HPSE2: variants seen among roughly 807,000 people sequenced by gnomAD.
HPSE2 encodes the protein inactive heparanase-2.
In HPSE2, 38 loss-of-function variants were observed where a neutral mutation model predicts 60.5. The observed-to-expected ratio is 0.63, with a 90% CI of 0.48 to 0.82. The LOEUF is 0.82. Among genes scored for constraint, HPSE2 ranks in the 40% least tolerant of loss-of-function variants. The pLI, the probability that HPSE2 is intolerant of heterozygous loss-of-function variation, is 0.00. For synonymous variants in HPSE2, 295 were observed against 293.2 expected, an observed-to-expected ratio of 1.01 and a Z score of -0.06; for missense variants, 713 against 740.4, an observed-to-expected ratio of 0.96 and a Z score of 0.43.
intron 9 of HPSE2, among the ~76,000 whole-genome samples, chr10:98,583,229 T>A (rs1041678257): frequency 3.9e-5 from 6 of 152,196 alleles, no homozygotes; most frequent in African/African-American, 1.4e-4. Context: ...CTTCACTTCA[T>A]CCTCTTCATT....
At chr10:98,746,181 T>C (rs1949623956) in intron 3 of HPSE2, among the ~76,000 whole-genome samples, 1 of 152,216 alleles carries the variant, frequency 6.6e-6, no homozygotes, top group Non-Finnish European at 1.5e-5. Context: ...ACAAAAGGAA[T>C]AAATTTCACA....
chr10:98,641,912 C>T lies in HPSE2; in HGVS notation c.1033G>A (p.Val345Met), dbSNP rs770200131. 1 of 1,613,748 alleles carries T rather than the reference C, an allele frequency of 6.2e-7. No homozygotes were observed. The highest frequency in any genetic ancestry group is 8.5e-7 in the Non-Finnish European group (1 of 1,179,824). Residue 345 changes from valine (V) to methionine (M), a missense_variant, in exon 7 of 12, where the codon GTG (valine) becomes ATG (methionine). Val to Met is a conservative substitution (Grantham distance 21). Transcript: ENST00000370552. ...AGGCGAGTTTTCAGGAAGTCCATCACCTTGACCACCCGGCCATCAATGTAG... is the reference window on the plus strand; with the variant it reads ...AGGCGAGTTTTCAGGAAGTCCATCATCTTGACCACCCGGCCATCAATGTAG... ...HCYIDGRVVK[V>M]MDFLKTRLLD...
In HPSE2 at chr10:98,818,115, A is replaced by G. The variant is rs1307004163; in HGVS notation, c.611-74059T>C. ...TCCACTTTTGGTTGAAAAAATCCAC[A>G]TATAAGTGGACCCATGTACTTCAAA... On this transcript the variant is annotated intron_variant, in intron 3 of 11. Transcript: ENST00000370552. 2.0e-5 allele frequency among the ~76,000 whole-genome samples: 3 copies of G among 152,318 alleles called. No homozygotes were observed. In the East Asian group the frequency reaches 5.8e-4, roughly 29 times the overall value.
chr10:98,658,073 A>C (rs1165037392), intron 6 of HPSE2, among the ~76,000 whole-genome samples: 11 of 151,982 alleles, frequency 7.2e-5, no homozygotes, highest in Admixed American at 7.2e-4. Context: ...ATTCCATCAG[A>C]GTGTATATGG....
intron 9 of HPSE2, among the ~76,000 whole-genome samples, chr10:98,589,283 G>C (rs1270648488): frequency 6.6e-6 from 1 of 152,210 alleles, no homozygotes; most frequent in African/African-American, 2.4e-5. Context: ...TGTCTGTGAG[G>C]TGCATAAATG....
chr10:99,303,351 A>G, the HPSE2 span, among the ~76,000 whole-genome samples: 3 of 152,242 alleles, frequency 2.0e-5, no homozygotes, highest in South Asian at 6.2e-4. Flanking sequence ...CTCCTGCTTG[A>G]TTAAGAGACA....
chr10:99,003,241 T>A (rs1161713253), intron 3 of HPSE2, among the ~76,000 whole-genome samples: 2 of 152,134 alleles, frequency 1.3e-5, no homozygotes, highest in African/African-American at 4.8e-5. Context: ...ATTTTCTTTA[T>A]CAATTCATTT....
chr10:98,900,547 A>T (rs879486641), intron 3 of HPSE2, among the ~76,000 whole-genome samples: 2 of 152,180 alleles, frequency 1.3e-5, no homozygotes, highest in Non-Finnish European at 2.9e-5. Context: ...TTATGCACGA[A>T]CATTATATAT....
chr10:98,475,146 C>A (rs1426487837), intron 11 of HPSE2, among the ~76,000 whole-genome samples: 3 of 142,998 alleles, frequency 2.1e-5, no homozygotes, highest in Non-Finnish European at 4.5e-5. Context: ...GAGACGGAGT[C>A]TCGCTCTGTC....
intron 3 of HPSE2, among the ~76,000 whole-genome samples, chr10:99,032,806 C>T (rs1033363395): frequency 1.3e-5 from 2 of 152,118 alleles, no homozygotes; most frequent in Non-Finnish European, 2.9e-5. Context: ...GCTCATAAGC[C>T]ACTTCCTCCA....
At chr10:99,137,237 A>G (rs1845693774) in intron 3 of HPSE2, among the ~76,000 whole-genome samples, 2 of 152,228 alleles carry the variant, frequency 1.3e-5, no homozygotes, top group Non-Finnish European at 2.9e-5. Context: ...CAGTGAAATA[A>G]AAGACGACAC....
intron 3 of HPSE2, among the ~76,000 whole-genome samples, chr10:99,104,936 T>A (rs1215174784): frequency 6.6e-6 from 1 of 151,450 alleles, no homozygotes; most frequent in African/African-American, 2.4e-5. Context: ...AGGGGAGGGA[T>A]AGCATTAGGA....
intron 5 of HPSE2, among the ~76,000 whole-genome samples, chr10:98,716,030 A>G (rs1948781174): frequency 6.6e-6 from 1 of 152,038 alleles, no homozygotes; most frequent in African/African-American, 2.4e-5. Flanking sequence ...TGTTTTATCA[A>G]CTAAGTTTAT....
intron 3 of HPSE2, among the ~76,000 whole-genome samples, chr10:98,913,005 T>C (rs1220053137): frequency 6.6e-6 from 1 of 152,220 alleles, no homozygotes; most frequent in Non-Finnish European, 1.5e-5. Flanking sequence ...ATGTGATTAT[T>C]ACGCATTGCA....
chr10:98,921,216 GCA>G (rs1328301898), intron 3 of HPSE2, among the ~76,000 whole-genome samples: 1 of 152,148 alleles, frequency 6.6e-6, no homozygotes, highest in East Asian at 1.9e-4. Flanking sequence ...GAAGCATTTA[GCA>G]CAGTTTCTGG....
chr10:98,956,117 T>TA (rs985182758), intron 3 of HPSE2, among the ~76,000 whole-genome samples: 7 of 152,134 alleles, frequency 4.6e-5, no homozygotes, highest in African/African-American at 1.4e-4. Context: ...AATTAAATTT[T>TA]AAAAAAACAA....
At position 98,903,672 on chromosome 10, in the gene HPSE2, T is replaced by C. The variant is rs566914180; in HGVS notation, c.611-159616A>G. ...GTTCTTGGACTAAAATAATTTGTGATGCTTTCCTGATTTCATTCATTCACT... is the reference window on the plus strand; with the variant it reads ...GTTCTTGGACTAAAATAATTTGTGACGCTTTCCTGATTTCATTCATTCACT... On this transcript the variant is annotated intron_variant, in intron 3 of 11. Coordinates refer to ENST00000370552, the MANE Select transcript of HPSE2 (RefSeq NM_021828.5). 7.2e-5 allele frequency among the ~76,000 whole-genome samples: 11 copies of C among 152,294 alleles called. No individual in the cohort carries two copies. The East Asian group carries it at 1.2e-3, about 16-fold the overall frequency.
intron 2 of HPSE2, among the ~76,000 whole-genome samples, chr10:99,212,815 T>C (rs1485839143): frequency 6.6e-6 from 1 of 152,154 alleles, no homozygotes; most frequent in Non-Finnish European, 1.5e-5. Flanking sequence ...GTATGTGAGG[T>C]AATATATATG....
At position 99,013,741 on chromosome 10, in the gene HPSE2, G is replaced by A. The variant is rs1226183309; in HGVS notation, c.610+130497C>T. ...CCCACCTCAGCCTCCCAAAGCGCTG[G>A]GATTACAGGCGTGAGCTACCAGCTG... On this transcript the variant is annotated intron_variant, in intron 3 of 11. Transcript: ENST00000370552. 5 of 228,880 alleles carry A rather than the reference G, an allele frequency of 2.2e-5. No individual in the cohort carries two copies. In the East Asian group the frequency reaches 5.6e-4, roughly 25 times the overall value. The allele number at this position is 228,880 out of a possible 1,614,324, so 14.2% of individuals were successfully genotyped here.
Sources: allele counts gnomAD v4.1 joint callset (sites outside exome capture counted in the v4.1 genomes callset), GRCh38; gene constraint gnomAD v4.1.1; transcripts MANE v1.5; gene names NCBI Gene and HGNC (gene_info 2026-07-23, HGNC 2026-07-21).